The following NAALADL2 variants were observed in gnomAD, a reference collection of about 807,000 sequenced individuals.
NAALADL2 encodes the protein N-acetylated alpha-linked acidic dipeptidase like 2, also known as inactive N-acetylated-alpha-linked acidic dipeptidase-like protein 2.
NAALADL2 carries 76 observed loss-of-function variants against 87.2 expected under a neutral mutation model. That is an observed-to-expected ratio of 0.87 (90% CI 0.72 to 1.05). The LOEUF (loss-of-function observed/expected upper bound fraction) is 1.05. Among genes scored for constraint, NAALADL2 ranks in the 50% least tolerant of loss-of-function variants. The pLI is 0.00. For synonymous variants in NAALADL2, 354 were observed against 331.0 expected (o/e 1.07, Z -0.75); for missense variants, 1,089 against 945.8 (o/e 1.15, Z -1.99).
chr3:174,820,881 G>T (rs1721347378), intron 3 of NAALADL2, among the ~76,000 whole-genome samples: 1 of 151,750 alleles, frequency 6.6e-6, no homozygotes, highest in South Asian at 2.1e-4. Flanking sequence ...AACTAATTTT[G>T]CATTTGAAAT....
At chr3:174,959,124 A>G (rs1363890029) in intron 1 of NAALADL2, among the ~76,000 whole-genome samples, 4 of 151,986 alleles carry the variant, frequency 2.6e-5, no homozygotes, top group African/African-American at 9.7e-5. Flanking sequence ...GTTTTATGGT[A>G]GTGTACTTAG....
intron 2 of NAALADL2, among the ~76,000 whole-genome samples, chr3:174,561,357 G>A (rs1713595855): frequency 6.6e-6 from 1 of 151,868 alleles, no homozygotes; most frequent in African/African-American, 2.4e-5. Context: ...GTGCCACCAT[G>A]CCCAGCTAAT....
chr3:174,975,895 A>T (rs887348983), intron 1 of NAALADL2, among the ~76,000 whole-genome samples: 3 of 152,220 alleles, frequency 2.0e-5, no homozygotes, highest in Admixed American at 2.0e-4. Context: ...AGTCCAAATG[A>T]GAAACTTAGT....
At chr3:174,705,533 C>A (rs2108895649) in intron 2 of NAALADL2, among the ~76,000 whole-genome samples, 1 of 152,244 alleles carries the variant, frequency 6.6e-6, no homozygotes, top group South Asian at 2.1e-4. Flanking sequence ...GCCTGTAATC[C>A]CAGCACTTTG....
chr3:175,371,353 C>T (rs544835675), intron 5 of NAALADL2, among the ~76,000 whole-genome samples: 6 of 152,086 alleles, frequency 3.9e-5, no homozygotes, highest in South Asian at 2.1e-4. Flanking sequence ...CTGCAAGCTC[C>T]GCCCCCCGGG....
chr3:175,324,364 G>A (rs755262879), intron 5 of NAALADL2, 39 bp downstream of exon 5: 2 of 1,519,198 alleles, frequency 1.3e-6, no homozygotes, highest in Non-Finnish European at 1.8e-6. Context: ...TTGTAAGTAA[G>A]CATTACAAGG....
chr3:174,932,927 G>A (rs1377820328), intron 1 of NAALADL2, among the ~76,000 whole-genome samples: 1 of 152,198 alleles, frequency 6.6e-6, no homozygotes, highest in Non-Finnish European at 1.5e-5. Context: ...AGACCAGCCT[G>A]ACCAACATGG....
In NAALADL2 at chr3:174,696,672, A is replaced by C. The variant is rs537481113; in HGVS notation, c.-114-40969A>C. ...TACAGATATATTTTTTCCATTACTG[A>C]TCTAGGATTATTAAACCATGTTGTA... On this transcript the variant is annotated intron_variant, in intron 2 of 3. Transcript: ENST00000434257. Among the ~76,000 whole-genome samples the C allele has an allele frequency of 7.3e-5, 11 of 149,976 alleles. No individual in the cohort carries two copies. The South Asian group carries it at 2.3e-3, about 31-fold the overall frequency.
intron 1 of NAALADL2, among the ~76,000 whole-genome samples, chr3:174,975,975 A>G (rs1287331420): frequency 6.6e-6 from 1 of 152,156 alleles, no homozygotes; most frequent in Non-Finnish European, 1.5e-5. Context: ...TAAACTTTTG[A>G]CTCACTGAAA....
At chr3:175,043,978 T>C (rs1754386576) in intron 1 of NAALADL2, among the ~76,000 whole-genome samples, 3 of 152,174 alleles carry the variant, frequency 2.0e-5, no homozygotes, top group Non-Finnish European at 4.4e-5. Context: ...ATACAAATAT[T>C]TGAAAATGTT....
chr3:175,539,855 A>AAACTTGAT (rs1283301921), intron 9 of NAALADL2, among the ~76,000 whole-genome samples: 1 of 152,180 alleles, frequency 6.6e-6, no homozygotes, highest in African/African-American at 2.4e-5. Flanking sequence ...TCTTGAAGTG[A>AAACTTGAT]AACTTGATAA....
At chr3:174,455,948 T>C (rs1409722840) in intron 1 of NAALADL2, among the ~76,000 whole-genome samples, 1 of 152,108 alleles carries the variant, frequency 6.6e-6, no homozygotes, top group African/African-American at 2.4e-5. Flanking sequence ...CATTATTCAA[T>C]ATGTAGAAAA....
intron 11 of NAALADL2, among the ~76,000 whole-genome samples, chr3:175,693,494 TA>T (rs1737313534): frequency 6.6e-6 from 1 of 152,142 alleles, no homozygotes; most frequent in African/African-American, 2.4e-5. Context: ...GACATCTCTT[TA>T]GGTAAAGTTA....
In NAALADL2 at chr3:175,492,069, T is replaced by TA. The variant is rs1305071123; in HGVS notation, c.1653+20312dup. Among the ~76,000 whole-genome samples, 3 of 152,306 alleles carry TA rather than the reference T, an allele frequency of 2.0e-5. No individual in the cohort carries two copies. The East Asian group carries it at 5.8e-4, about 29-fold the overall frequency. ...GTTACAAAAGTACAAATATCAGACT[T>TA]ACAAATTGTTCAATACAGGCATATA... On this transcript the variant is annotated intron_variant, in intron 9 of 13. Transcript: ENST00000454872.
intron 2 of NAALADL2, among the ~76,000 whole-genome samples, chr3:175,168,981 T>G (rs964732998): frequency 2.6e-5 from 4 of 151,760 alleles, no homozygotes; most frequent in African/African-American, 9.7e-5. Context: ...ACAGGATAGC[T>G]GTACAGATTT....
chr3:175,796,203 A>G (rs879055885), intron 13 of NAALADL2, among the ~76,000 whole-genome samples: 8 of 152,036 alleles, frequency 5.3e-5, no homozygotes, highest in Admixed American at 2.0e-4. Context: ...AGCAGCATAC[A>G]GGAGATTTTG....
At chr3:174,561,358 C>G (rs148179827) in intron 2 of NAALADL2, among the ~76,000 whole-genome samples, 5 of 151,942 alleles carry the variant, frequency 3.3e-5, no homozygotes, top group Non-Finnish European at 5.9e-5. Flanking sequence ...TGCCACCATG[C>G]CCAGCTAATT....
At chr3:175,710,756 GA>G (rs1222201107) in intron 11 of NAALADL2, among the ~76,000 whole-genome samples, 1 of 151,546 alleles carries the variant, frequency 6.6e-6, no homozygotes, top group African/African-American at 2.4e-5. Flanking sequence ...ACATATATAT[GA>G]AAAACTGTGA....
intron 2 of NAALADL2, among the ~76,000 whole-genome samples, chr3:175,145,816 A>G (rs1432423350): frequency 6.6e-6 from 1 of 152,118 alleles, no homozygotes; most frequent in Non-Finnish European, 1.5e-5. Flanking sequence ...TTAATAAAAG[A>G]TATTCTAAAA....
Sources: gnomAD v4.1 joint callset for allele counts (sites outside exome capture counted in the v4.1 genomes callset) on GRCh38, gnomAD v4.1.1 for gene constraint, MANE v1.5 for transcripts, NCBI Gene and HGNC (gene_info 2026-07-23, HGNC 2026-07-21) for gene names.